The following CADM2 variants were observed in gnomAD, a reference collection of about 807,000 sequenced individuals.
The protein encoded by CADM2 is cell adhesion molecule 2.
In CADM2, 12 loss-of-function variants were observed where a neutral mutation model predicts 49.8. The observed-to-expected ratio is 0.24, with a 90% confidence interval of 0.15 to 0.39. The LOEUF is 0.39. Among genes scored for constraint, CADM2 ranks in the 10% least tolerant of loss-of-function variants. The pLI, the probability that CADM2 is intolerant of heterozygous loss-of-function variation, is 1.00. For missense variants in CADM2, 378 were observed against 492.3 expected (o/e 0.77, Z 2.20); for synonymous variants, 214 against 175.4 (o/e 1.22, Z -1.74).
At chr3:85,158,226 C>A (rs2040202289) in intron 1 of CADM2, among the ~76,000 whole-genome samples, 2 of 152,280 alleles carry the variant, frequency 1.3e-5, no homozygotes, top group South Asian at 4.1e-4. Flanking sequence ...AATAGGAACA[C>A]TTTTACACTG....
chr3:85,259,148 C>T (rs569383048), intron 1 of CADM2, among the ~76,000 whole-genome samples: 3 of 152,234 alleles, frequency 2.0e-5, no homozygotes, highest in Non-Finnish European at 4.4e-5. Context: ...GTGCAGTTGT[C>T]TTTGCTTACC....
At chr3:85,549,746 C>T (rs2061752935) in intron 1 of CADM2, among the ~76,000 whole-genome samples, 1 of 151,612 alleles carries the variant, frequency 6.6e-6, no homozygotes, top group African/African-American at 2.4e-5. Context: ...GCTTCAGCCT[C>T]CCAAGTAGCT....
At chr3:86,014,473 T>C in intron 8 of CADM2, 1 of 1,508,518 alleles carries the variant, frequency 6.6e-7, no homozygotes, top group Non-Finnish European at 8.9e-7. Flanking sequence ...GTAACCAAAC[T>C]TGATATTCAA....
chr3:85,457,498 G>A (rs1030621396), intron 1 of CADM2, among the ~76,000 whole-genome samples: 3 of 152,004 alleles, frequency 2.0e-5, no homozygotes, highest in Non-Finnish European at 4.4e-5. Flanking sequence ...GAGTTAAAAT[G>A]TTAGTAGTAC....
chr3:85,374,234 G>C (rs375170564), intron 1 of CADM2, among the ~76,000 whole-genome samples: 1 of 152,128 alleles, frequency 6.6e-6, no homozygotes, highest in Non-Finnish European at 1.5e-5. Flanking sequence ...ATGATTTACT[G>C]CTTAGGAATT....
At chr3:85,807,619 T>G (rs2108105147) in intron 3 of CADM2, among the ~76,000 whole-genome samples, 1 of 152,316 alleles carries the variant, frequency 6.6e-6, no homozygotes, top group East Asian at 1.9e-4. Flanking sequence ...ACAATTCAGT[T>G]GTCATGTGTA....
chr3:85,698,107 T>C (rs932981023), intron 1 of CADM2, among the ~76,000 whole-genome samples: 8 of 152,220 alleles, frequency 5.3e-5, no homozygotes, highest in African/African-American at 1.9e-4. Context: ...CTTAAAGTAA[T>C]AGCTATTTTA....
chr3:85,886,511 T>A (rs546154121), intron 5 of CADM2, among the ~76,000 whole-genome samples, 184 bp downstream of exon 5: 2 of 152,158 alleles, frequency 1.3e-5, no homozygotes, highest in Admixed American at 1.3e-4. Flanking sequence ...ATAAGTATGA[T>A]CCCTGTGGGC....
intron 1 of CADM2, among the ~76,000 whole-genome samples, chr3:85,549,933 T>C (rs1455080100): frequency 2.0e-5 from 3 of 152,082 alleles, no homozygotes; most frequent in Admixed American, 6.6e-5. Flanking sequence ...CCTAAAGGTC[T>C]TTTTTTAATT....
intron 1 of CADM2, among the ~76,000 whole-genome samples, chr3:85,474,309 G>C (rs1165247349): frequency 3.3e-5 from 5 of 151,866 alleles, no homozygotes; most frequent in East Asian, 1.9e-4. Flanking sequence ...AGTCCGAAGA[G>C]AGTCTCTTGG....
At chr3:85,733,398 T>C (rs1012044070) in intron 2 of CADM2, among the ~76,000 whole-genome samples, 6 of 152,214 alleles carry the variant, frequency 3.9e-5, no homozygotes, top group Admixed American at 6.5e-5. Context: ...TGTTTCTTAT[T>C]TCTCACTGTA....
At chr3:85,027,109 CTTTTT>C (rs1160735135) in intron 1 of CADM2, among the ~76,000 whole-genome samples, 21 of 55,688 alleles carry the variant, frequency 3.8e-4, no homozygotes, top group African/African-American at 4.9e-4. Flanking sequence ...TTTCTTTTTC[CTTTTT>C]TTTTTTTTTT....
intron 1 of CADM2, among the ~76,000 whole-genome samples, chr3:85,610,497 C>A (rs2063655230): frequency 1.3e-5 from 2 of 151,710 alleles, no homozygotes; most frequent in African/African-American, 4.8e-5. Context: ...AATGAATAAA[C>A]AATAATAATA....
intron 1 of CADM2, among the ~76,000 whole-genome samples, chr3:85,139,792 G>T (rs553988645): frequency 1.3e-5 from 2 of 152,164 alleles, no homozygotes; most frequent in South Asian, 4.1e-4. Flanking sequence ...AACACAATTT[G>T]GGGGCTCAAT....
At chr3:85,909,988 T>C (rs1206336289) in intron 5 of CADM2, among the ~76,000 whole-genome samples, 3 of 152,182 alleles carry the variant, frequency 2.0e-5, no homozygotes, top group Non-Finnish European at 4.4e-5. Flanking sequence ...AACCCTATAA[T>C]CTATCACATA....
At chr3:85,941,061 C>A (rs1208014769) in intron 7 of CADM2, among the ~76,000 whole-genome samples, 1 of 152,048 alleles carries the variant, frequency 6.6e-6, no homozygotes. Context: ...TTCACTCTTA[C>A]ACATCAAGTA....
intron 3 of CADM2, among the ~76,000 whole-genome samples, chr3:85,826,102 T>A (rs2073895278): frequency 6.6e-6 from 1 of 152,078 alleles, no homozygotes; most frequent in Non-Finnish European, 1.5e-5. Context: ...GTTGACCTTT[T>A]ATATCATCAC....
intron 1 of CADM2, among the ~76,000 whole-genome samples, chr3:85,636,139 A>T (rs1447792281): frequency 6.6e-6 from 1 of 152,198 alleles, no homozygotes; most frequent in East Asian, 1.9e-4. Context: ...GCCTCAGGCA[A>T]GTCCTTCAGG....
At chr3:85,633,706 A>G (rs1297329170) in intron 1 of CADM2, among the ~76,000 whole-genome samples, 2 of 152,106 alleles carry the variant, frequency 1.3e-5, no homozygotes, top group African/African-American at 4.8e-5. Context: ...GCAGAGAATA[A>G]CTTTCCATAA....
Sources: gnomAD v4.1 joint callset for allele counts (sites outside exome capture counted in the v4.1 genomes callset) on GRCh38, gnomAD v4.1.1 for gene constraint, MANE v1.5 for transcripts, NCBI Gene and HGNC (gene_info 2026-07-23, HGNC 2026-07-21) for gene names.